The following BCAS4 variants were observed in gnomAD, a reference collection of about 807,000 sequenced individuals.
BCAS4 encodes breast carcinoma-amplified sequence 4.
In BCAS4, 9 loss-of-function variants were observed where a neutral mutation model predicts 15.7. The ratio of observed to expected loss-of-function variants is 0.57; its 90% confidence interval spans 0.34 to 1.00. BCAS4 has a LOEUF of 1.00. Among genes scored for constraint, BCAS4 ranks in the 50% least tolerant of loss-of-function variants. The probability of loss-of-function intolerance (pLI) is 0.02; values close to 1 mark genes in which losing one functional copy is unlikely to be tolerated. For synonymous variants in BCAS4, 101 were observed against 99.5 expected, an observed-to-expected ratio of 1.02 and a Z score of -0.09; for missense variants, 225 against 239.1, an observed-to-expected ratio of 0.94 and a Z score of 0.39.
intron 4 of BCAS4, among the ~76,000 whole-genome samples, chr20:50,855,684 C>G (rs1041677047): frequency 6.6e-6 from 1 of 152,092 alleles, no homozygotes. Context: ...ACCCATTGCC[C>G]TTCTCTGAGC....
chr20:50,853,872 A>T (rs1442663438), intron 4 of BCAS4, among the ~76,000 whole-genome samples: 1 of 148,588 alleles, frequency 6.7e-6, no homozygotes, highest in Non-Finnish European at 1.5e-5. Context: ...ATACTCGGGG[A>T]TGTTTTGTGC....
chr20:50,821,915 G>A (rs1330548125), intron 2 of BCAS4, among the ~76,000 whole-genome samples: 2 of 152,148 alleles, frequency 1.3e-5, no homozygotes, highest in Non-Finnish European at 2.9e-5. Context: ...GTGGGGCCAT[G>A]GACATGTCAC....
chr20:50,828,841 G>A (rs2088309311), intron 2 of BCAS4, among the ~76,000 whole-genome samples: 1 of 152,294 alleles, frequency 6.6e-6, no homozygotes, highest in Middle Eastern at 3.4e-3. Context: ...GATTACATGA[G>A]GGTGAGGATA....
chr20:50,806,370 C>G (rs2087989615), intron 1 of BCAS4, among the ~76,000 whole-genome samples: 1 of 152,206 alleles, frequency 6.6e-6, no homozygotes, highest in Admixed American at 6.5e-5. Flanking sequence ...TCCCTTCTCT[C>G]TCTTTCTCCC....
rs1978398031 is a variant in BCAS4 at position 50,851,159 on chromosome 20, G to C, written c.399+9259G>C. Among the ~76,000 whole-genome samples the C allele has an allele frequency of 1.3e-5, 2 of 152,170 alleles. No individual in the cohort carries two copies. The highest frequency in any genetic ancestry group is 1.3e-4 in the Admixed American group (2 of 15,280). ...CCCGACAGCTCAGCTTTATCTGGTG[G>C]TGGAGGCTGGGTAAGACACAAACAA... On this transcript the variant is annotated intron_variant, in intron 4 of 4. Coordinates refer to ENST00000371608, the MANE Select transcript of BCAS4 (RefSeq NM_198799.4). This position sits in a 1 kb window ranked among gnomAD's most constrained non-coding sequence, Gnocchi z 4.3.
At chr20:50,795,049 G>C, upstream of BCAS4, 1 of 1,470,648 alleles carries the variant, frequency 6.8e-7, no homozygotes. Flanking sequence ...GGGCTCCCAG[G>C]CAGCCTCCGC....
chr20:50,800,758 C>T (rs1380835086), intron 1 of BCAS4, among the ~76,000 whole-genome samples: 2 of 151,926 alleles, frequency 1.3e-5, no homozygotes, highest in African/African-American at 2.4e-5. Context: ...GACAGAGTTT[C>T]GCCATGTTGG....
intron 3 of BCAS4, among the ~76,000 whole-genome samples, chr20:50,834,273 A>G (rs2088379693): frequency 6.7e-6 from 1 of 150,256 alleles, no homozygotes; most frequent in East Asian, 1.9e-4. Flanking sequence ...GTTGCTGCCC[A>G]GGCTGGTCTC....
At chr20:50,809,141 G>T (rs1180990315) in intron 1 of BCAS4, among the ~76,000 whole-genome samples, 4 of 152,034 alleles carry the variant, frequency 2.6e-5, no homozygotes, top group African/African-American at 9.7e-5. Context: ...TCAGTTGGCT[G>T]TAAGTATTTG....
chr20:50,876,687 T>A lies in BCAS4; in HGVS notation c.*79T>A. The stretch of plus-strand genomic sequence containing the variant: ...CAGCTTGGGGGTTTTTTCTTTGTAT[T>A]GCTGTTTATTTTATATTTTAAAAAT... On this transcript the variant is annotated 3_prime_UTR_variant, in exon 5 of 5. Coordinates refer to ENST00000371608, the MANE Select transcript of BCAS4 (RefSeq NM_198799.4). 6.8e-7 allele frequency: 1 copy of A among 1,476,732 alleles called. No homozygotes were observed. Among genetic ancestry groups the A allele is most frequent in the Non-Finnish European group, 9.0e-7 (1 of 1,106,112 alleles). The allele number at this position is 1,476,732 out of a possible 1,614,324, so 91.5% of individuals were successfully genotyped here. A position where few individuals can be genotyped will look rare whatever the true frequency, so the allele number is the denominator to read the frequency against.
intron 4 of BCAS4, among the ~76,000 whole-genome samples, chr20:50,855,940 A>G (rs1014315133): frequency 6.6e-6 from 1 of 152,216 alleles, no homozygotes; most frequent in African/African-American, 2.4e-5. Flanking sequence ...TCTCACTTCC[A>G]TGCCTCACAG....
chr20:50,842,555 T>C (rs2088497999), intron 4 of BCAS4, among the ~76,000 whole-genome samples: 1 of 152,132 alleles, frequency 6.6e-6, no homozygotes, highest in African/African-American at 2.4e-5. Context: ...GTAGCTGGGA[T>C]TACAGGTGCA....
intron 2 of BCAS4, among the ~76,000 whole-genome samples, chr20:50,825,022 C>T (rs1000257181): frequency 3.3e-4 from 50 of 152,062 alleles, no homozygotes; most frequent in African/African-American, 1.2e-3. Flanking sequence ...GGATTAGACT[C>T]CTCCCTCTCC....
rs964778135 is a variant in BCAS4 at position 50,832,449 on chromosome 20, G to C, written c.264+2069G>C. ...ATTTTTGTATTTTTCGTAGAGACAG[G>C]GTTTTGCCATATTGTCTAGGCTGCT... is the stretch of plus-strand genomic sequence containing the variant. On this transcript the variant is annotated intron_variant, in intron 3 of 4. Transcript: ENST00000371608. 3.9e-5 allele frequency among the ~76,000 whole-genome samples: 6 copies of C among 152,072 alleles called. No individual in the cohort carries two copies. In the South Asian group the frequency reaches 1.0e-3, roughly 26 times the overall value.
At chr20:50,871,789 C>T (rs918002591) in intron 4 of BCAS4, among the ~76,000 whole-genome samples, 1 of 152,192 alleles carries the variant, frequency 6.6e-6, no homozygotes, top group Non-Finnish European at 1.5e-5. Context: ...GAGAGCATCC[C>T]TGTCCCAGTA....
chr20:50,835,025 A>C (rs925493447), intron 3 of BCAS4, among the ~76,000 whole-genome samples: 27 of 152,304 alleles, frequency 1.8e-4, no homozygotes, highest in African/African-American at 6.5e-4. Context: ...GTTTGCGTAC[A>C]AGTTTTTGTG....
rs542204442 is a variant in BCAS4, at chr20:50,851,429, C to T, written c.399+9529C>T. Among the ~76,000 whole-genome samples, 89 of 152,056 alleles carry T rather than the reference C, an allele frequency of 5.9e-4. No homozygotes were observed. The highest frequency in any genetic ancestry group is 1.4e-3 in the African/African-American group (57 of 41,404). ...TCTTTGGTGGAGTGCTATAGGGGGA[C>T]GGAGGGTTCCTGGCAGGCTGGTTTG... is the stretch of plus-strand genomic sequence containing the variant. On this transcript the variant is annotated intron_variant, in intron 4 of 4. Transcript: ENST00000371608. This position sits in a 1 kb window ranked among gnomAD's most constrained non-coding sequence, Gnocchi z 4.3.
At chr20:50,797,988 A>C (rs1418375625) in intron 1 of BCAS4, among the ~76,000 whole-genome samples, 1 of 151,904 alleles carries the variant, frequency 6.6e-6, no homozygotes, top group Non-Finnish European at 1.5e-5. Flanking sequence ...TTAGTGTTCT[A>C]GGAGCCACAT....
At chr20:50,879,650 A>G (rs886174700), downstream of BCAS4, 1 of 152,214 alleles carries the variant, frequency 6.6e-6, no homozygotes, top group Non-Finnish European at 1.5e-5. Context: ...CCCCTGAAAC[A>G]GGGGCCAGGG....
Sources: gnomAD v4.1 joint callset for allele counts (sites outside exome capture counted in the v4.1 genomes callset) on GRCh38, gnomAD v4.1.1 for gene constraint, Gnocchi (gnomAD v3.1) non-coding constraint, MANE v1.5 for transcripts, NCBI Gene and HGNC (gene_info 2026-07-23, HGNC 2026-07-21) for gene names.